Variants in FER1L6 observed in about 807,000 individuals in gnomAD.
FER1L6 encodes fer-1-like protein 6.
FER1L6 carries 177 observed loss-of-function variants against 219.2 expected under a neutral mutation model. That is an observed-to-expected ratio of 0.81 (90% CI 0.71 to 0.91). FER1L6 has a LOEUF of 0.91. Ranked by LOEUF, FER1L6 falls within the 40% of genes least tolerant of loss-of-function variation. The pLI is 0.00. For synonymous variants in FER1L6, 768 were observed against 824.3 expected (o/e 0.93, Z 1.17); for missense variants, 2,153 against 2,259.9 (o/e 0.95, Z 0.96).
In FER1L6 at chr8:124,061,929, C is replaced by T. The variant is rs1461250236; in HGVS notation, c.3225C>T (p.Thr1075=). 6.2e-7 allele frequency: 1 copy of T among 1,614,028 alleles called. No homozygotes were observed. Among genetic ancestry groups the T allele is most frequent in the African/African-American group, 1.3e-5 (1 of 74,922 alleles). The change falls in exon 25 of 41, where the codon ACC becomes ACT. Residue 1075 remains threonine, a synonymous_variant. Transcript: ENST00000522917. ...ACTGGAGAGCTTTTGGGAGGAGTAC[C>T]CTTGTGGGCACCTACACCATCAACT... ...VVDWRAFGRS[T]LVGTYTINYL... is the part of the protein sequence containing the mutation.
At chr8:124,066,282 C>A in intron 26 of FER1L6, 146 bp from the exon 27 acceptor site, 1 of 803,860 alleles carries the variant, frequency 1.2e-6, no homozygotes, top group Non-Finnish European at 2.0e-6. Context: ...GGAAGTGATA[C>A]AGAGAGCTGC....
chr8:124,060,513 A>G, intron 23 of FER1L6, 35 bp from the exon 24 acceptor site: 1 of 1,610,528 alleles, frequency 6.2e-7, no homozygotes, highest in Non-Finnish European at 8.5e-7. Flanking sequence ...TCCTCCGTGG[A>G]TCTGTGGTGA....
At chr8:123,994,201 A>C (rs533134206) in intron 12 of FER1L6, among the ~76,000 whole-genome samples, 72 of 152,290 alleles carry the variant, frequency 4.7e-4, no homozygotes, top group African/African-American at 1.7e-3. Flanking sequence ...CTGGCATCTC[A>C]GGCAATGAGT....
chr8:124,093,443 G>A (rs1184636688), intron 34 of FER1L6, among the ~76,000 whole-genome samples: 2 of 151,978 alleles, frequency 1.3e-5, no homozygotes, highest in Non-Finnish European at 2.9e-5. Flanking sequence ...TTGACACTAT[G>A]TTGACCCCTA....
Position 124,069,473 on chromosome 8 carries a change from C to G in FER1L6, c.3832C>G (p.Gln1278Glu). Residue 1278 changes from glutamine to glutamate, a missense_variant and splice_region_variant, in exon 29 of 41, where the codon CAG becomes GAG. Coordinates refer to ENST00000522917, the MANE Select transcript of FER1L6 (RefSeq NM_001039112.2). ...DDGIPNLAIL[Q>E]IYDGDLESEF... Reference sequence around the variant, plus strand: ...TGGAATCCCCAACCTGGCCATCTTGCAGGTATGTGGGGACACAGGCATCTC... The same window carrying G: ...TGGAATCCCCAACCTGGCCATCTTGGAGGTATGTGGGGACACAGGCATCTC... The G allele has an allele frequency of 6.2e-7, 1 of 1,606,282 alleles. No individual in the cohort carries two copies. The highest frequency in any genetic ancestry group is 8.5e-7 in the Non-Finnish European group (1 of 1,176,476).
intron 22 of FER1L6, among the ~76,000 whole-genome samples, chr8:124,057,730 T>A (rs192450321): frequency 1.3e-5 from 2 of 152,346 alleles, no homozygotes; most frequent in African/African-American, 4.8e-5. Context: ...CTTTATTTTA[T>A]CCATAACATG....
rs559497624 is a variant in FER1L6 at position 123,977,723 on chromosome 8, C to T, written c.1063+114C>T. On this transcript the variant is annotated intron_variant, in intron 10 of 40. Coordinates refer to ENST00000522917, the MANE Select transcript of FER1L6 (RefSeq NM_001039112.2). ...TCCCCAGCCTTTCTGGCACCAGATA[C>T]CAGTTTTATGGAAGACTATTTTTCC... 6.5e-5 allele frequency: 59 copies of T among 908,856 alleles called. No homozygotes were observed. In the South Asian group the frequency reaches 8.9e-4, roughly 14 times the overall value. The allele number at this position is 908,856 out of a possible 1,614,324, so 56.3% of individuals were successfully genotyped here. A position where few individuals can be genotyped will look rare whatever the true frequency, so the allele number is the denominator to read the frequency against.
intron 1 of FER1L6, among the ~76,000 whole-genome samples, chr8:123,935,251 A>G (rs1813940479): frequency 6.6e-6 from 1 of 151,994 alleles, no homozygotes; most frequent in Admixed American, 6.6e-5. Flanking sequence ...ACATGTTATA[A>G]TCCACTCTTA....
chr8:123,914,014 G>A (rs1813116457), intron 1 of FER1L6, among the ~76,000 whole-genome samples: 1 of 152,108 alleles, frequency 6.6e-6, no homozygotes, highest in East Asian at 1.9e-4. Flanking sequence ...TCCTTTTTAG[G>A]GTTAACATTT....
intron 1 of FER1L6, among the ~76,000 whole-genome samples, chr8:123,919,143 C>T (rs1813282615): frequency 6.6e-6 from 1 of 152,110 alleles, no homozygotes; most frequent in Non-Finnish European, 1.5e-5. Flanking sequence ...GAGGGGGCCC[C>T]CAAGTCTCAG....
At chr8:123,941,818 G>C (rs1392272807) in intron 1 of FER1L6, among the ~76,000 whole-genome samples, 3 of 152,134 alleles carry the variant, frequency 2.0e-5, no homozygotes, top group East Asian at 1.9e-4. Flanking sequence ...GAGCAGACGA[G>C]GGAAGGAGGC....
At chr8:123,920,394 C>T (rs1715384568) in intron 1 of FER1L6, among the ~76,000 whole-genome samples, 1 of 152,206 alleles carries the variant, frequency 6.6e-6, no homozygotes, top group South Asian at 2.1e-4. Flanking sequence ...CTCTGAGGGT[C>T]ATAGTCCAGG....
chr8:123,955,240 G>T (rs558183293), intron 1 of FER1L6, among the ~76,000 whole-genome samples: 3 of 152,310 alleles, frequency 2.0e-5, no homozygotes, highest in Admixed American at 1.3e-4. Flanking sequence ...CTGTTCTCCA[G>T]CTTGGGCAAC....
intron 2 of FER1L6, among the ~76,000 whole-genome samples, chr8:123,960,296 G>A (rs527833625): frequency 1.1e-4 from 17 of 152,220 alleles, no homozygotes; most frequent in African/African-American, 2.6e-4. Context: ...CGTTTTTGCC[G>A]AAAGTCTGGT....
At chr8:124,052,063 C>A (rs1465916296) in intron 22 of FER1L6, among the ~76,000 whole-genome samples, 1 of 152,158 alleles carries the variant, frequency 6.6e-6, no homozygotes, top group Non-Finnish European at 1.5e-5. Context: ...TCTTACAAAT[C>A]TTAAAACCAA....
At chr8:124,042,277 C>T (rs1166085220) in intron 20 of FER1L6, among the ~76,000 whole-genome samples, 6 of 152,212 alleles carry the variant, frequency 3.9e-5, no homozygotes, top group African/African-American at 1.4e-4. Context: ...AAAATAGGTT[C>T]TGTTGAGTTC....
intron 1 of FER1L6, among the ~76,000 whole-genome samples, chr8:123,931,451 G>T (rs1308955818): frequency 6.6e-6 from 1 of 152,186 alleles, no homozygotes; most frequent in Non-Finnish European, 1.5e-5. Flanking sequence ...GTACACATCT[G>T]TTGTGAGAAA....
chr8:123,980,200 C>T (rs765230846), intron 10 of FER1L6, among the ~76,000 whole-genome samples: 5 of 152,212 alleles, frequency 3.3e-5, no homozygotes, highest in Middle Eastern at 3.4e-3. Context: ...ATGGGGGAAT[C>T]AATAAACATT....
intron 20 of FER1L6, chr8:124,040,817 A>C (rs2130733309): frequency 6.6e-6 from 1 of 152,290 alleles, no homozygotes; most frequent in African/African-American, 2.4e-5. Context: ...ACAGCCTATT[A>C]ATCATAGATT....
Sources: allele counts gnomAD v4.1 joint callset (sites outside exome capture counted in the v4.1 genomes callset), GRCh38; gene constraint gnomAD v4.1.1; transcripts MANE v1.5; gene names NCBI Gene and HGNC (gene_info 2026-07-23, HGNC 2026-07-21).